The following FBXL17 variants were observed in gnomAD, a reference collection of about 807,000 sequenced individuals.
FBXL17 encodes the protein F-box and leucine rich repeat protein 17, also known as F-box/LRR-repeat protein 17.
Under a neutral mutation model 66.2 loss-of-function variants are expected in FBXL17, and 22 were observed. That is an observed-to-expected ratio of 0.33 (90% confidence interval 0.24 to 0.47). The LOEUF (loss-of-function observed/expected upper bound fraction) is 0.47, where lower values mean the gene tolerates loss of function less well. Among genes scored for constraint, FBXL17 ranks in the 20% least tolerant of loss-of-function variants. The pLI is 1.00. For missense variants in FBXL17, 878 were observed against 948.2 expected (o/e 0.93, Z 0.97); for synonymous variants, 474 against 400.5 (o/e 1.18, Z -2.19).
At chr5:108,101,599 G>A (rs1354067114) in intron 6 of FBXL17, among the ~76,000 whole-genome samples, 2 of 152,156 alleles carry the variant, frequency 1.3e-5, no homozygotes, top group African/African-American at 2.4e-5. Flanking sequence ...AGTTACCTCT[G>A]TGCCTTATTT....
intron 4 of FBXL17, among the ~76,000 whole-genome samples, chr5:108,257,876 G>C (rs892443711): frequency 6.6e-6 from 1 of 152,032 alleles, no homozygotes. Flanking sequence ...ATCCTATGAC[G>C]TTGTGTATGC....
intron 7 of FBXL17, among the ~76,000 whole-genome samples, chr5:108,014,403 A>C (rs927664612): frequency 1.3e-5 from 2 of 152,142 alleles, no homozygotes; most frequent in African/African-American, 4.8e-5. Context: ...CTTTTAAATG[A>C]AGGCTAGAAT....
At chr5:107,991,678 C>A (rs1187304298) in intron 7 of FBXL17, among the ~76,000 whole-genome samples, 1 of 152,202 alleles carries the variant, frequency 6.6e-6, no homozygotes, top group Non-Finnish European at 1.5e-5. Context: ...ATATTCATCC[C>A]TCCTATTCCC....
intron 6 of FBXL17, among the ~76,000 whole-genome samples, chr5:108,165,109 G>C (rs1033883787): frequency 6.6e-6 from 1 of 152,116 alleles, no homozygotes; most frequent in Non-Finnish European, 1.5e-5. Flanking sequence ...GTTATTTATA[G>C]GAGTAAAAAT....
chr5:107,986,863 A>T (rs1753029294), intron 7 of FBXL17, among the ~76,000 whole-genome samples: 1 of 152,048 alleles, frequency 6.6e-6, no homozygotes, highest in Admixed American at 6.6e-5. Flanking sequence ...GGAAACATCT[A>T]ACAAAAAATG....
At chr5:108,121,585 G>C (rs1031006756) in intron 6 of FBXL17, among the ~76,000 whole-genome samples, 1 of 151,260 alleles carries the variant, frequency 6.6e-6, no homozygotes, top group Non-Finnish European at 1.5e-5. Flanking sequence ...TTGAGACAGA[G>C]TCTCGCTCTC....
chr5:108,237,229 ACAAG>A (rs1396807439), intron 4 of FBXL17, among the ~76,000 whole-genome samples: 2 of 152,338 alleles, frequency 1.3e-5, no homozygotes, highest in East Asian at 3.9e-4. Flanking sequence ...CAACAAATAT[ACAAG>A]CACCTACTAC....
intron 6 of FBXL17, among the ~76,000 whole-genome samples, chr5:108,098,511 C>T (rs946290817): frequency 1.3e-5 from 2 of 151,954 alleles, no homozygotes; most frequent in African/African-American, 2.4e-5. Flanking sequence ...TTTGGGAGGC[C>T]GAGGCGGGTG....
chr5:107,983,804 CA>C lies in FBXL17; in HGVS notation c.1822+37120del, dbSNP rs1457856421. Among the ~76,000 whole-genome samples, 11 of 152,060 alleles carry C rather than the reference CA, an allele frequency of 7.2e-5. 1 individual carries two copies. Among genetic ancestry groups the C allele is most frequent in the African/African-American group, 2.2e-4 (9 of 41,448 alleles). ...ATGCATCATACTTCACCTGCATTAA[CA>C]ACACATCATAAATAGAAATGGAAGA... is the stretch of plus-strand genomic sequence containing the variant. On this transcript the variant is annotated intron_variant, in intron 7 of 8. Coordinates refer to ENST00000542267, the MANE Select transcript of FBXL17 (RefSeq NM_001163315.3).
intron 8 of FBXL17, chr5:107,880,478 A>G (rs1748751015): frequency 2.0e-6 from 2 of 994,104 alleles, no homozygotes; most frequent in Non-Finnish European, 2.4e-6. Context: ...TTCCACCAGG[A>G]CCTCTGGAAC....
chr5:107,947,272 T>C (rs965237470), intron 7 of FBXL17, among the ~76,000 whole-genome samples: 1 of 152,230 alleles, frequency 6.6e-6, no homozygotes, highest in Non-Finnish European at 1.5e-5. Flanking sequence ...AGCTTCTGAG[T>C]TGAAATGTCT....
chr5:108,293,413 T>C (rs1042969180), intron 4 of FBXL17, among the ~76,000 whole-genome samples: 1 of 152,204 alleles, frequency 6.6e-6, no homozygotes, highest in African/African-American at 2.4e-5. Context: ...TGGGGACATG[T>C]GTAATTTTAT....
intron 6 of FBXL17, among the ~76,000 whole-genome samples, chr5:108,144,568 C>T (rs777261073): frequency 9.9e-5 from 15 of 152,152 alleles, no homozygotes; most frequent in Non-Finnish European, 1.5e-4. Context: ...AGATATACCA[C>T]GTGTTCCAAC....
At chr5:108,019,561 T>C (rs577514329) in intron 7 of FBXL17, among the ~76,000 whole-genome samples, 3 of 152,154 alleles carry the variant, frequency 2.0e-5, no homozygotes, top group Admixed American at 1.3e-4. Flanking sequence ...GAAGAGCAGG[T>C]AATGACAAGT....
chr5:108,267,517 T>C (rs897450943), intron 4 of FBXL17, among the ~76,000 whole-genome samples: 26 of 152,130 alleles, frequency 1.7e-4, no homozygotes, highest in African/African-American at 3.9e-4. Flanking sequence ...TAGTGTAACA[T>C]TGGTAAAGTT....
chr5:108,274,992 G>A (rs1757427417), intron 4 of FBXL17, among the ~76,000 whole-genome samples: 1 of 152,170 alleles, frequency 6.6e-6, no homozygotes, highest in Admixed American at 6.5e-5. Context: ...CAAAAAGGAA[G>A]TGACCAAGAC....
At chr5:108,015,183 G>C (rs1301122199) in intron 7 of FBXL17, among the ~76,000 whole-genome samples, 2 of 152,068 alleles carry the variant, frequency 1.3e-5, no homozygotes, top group Non-Finnish European at 2.9e-5. Flanking sequence ...AGAAAATTTA[G>C]AAATGGAGAG....
At chr5:107,981,584 T>TC (rs369244201) in intron 7 of FBXL17, among the ~76,000 whole-genome samples, 5 of 152,348 alleles carry the variant, frequency 3.3e-5, no homozygotes, top group African/African-American at 1.2e-4. Flanking sequence ...GCTTTGAGTG[T>TC]CCCACTGGTC....
chr5:108,034,279 C>T lies in FBXL17; in HGVS notation c.1746-13278G>A, dbSNP rs1008362927. Among the ~76,000 whole-genome samples the T allele has an allele frequency of 9.9e-5, 15 of 152,098 alleles. 1 individual carries two copies. Among genetic ancestry groups the T allele is most frequent in the African/African-American group, 2.4e-5 (1 of 41,422 alleles). On this transcript the variant is annotated intron_variant, in intron 6 of 8. Coordinates refer to ENST00000542267, the MANE Select transcript of FBXL17 (RefSeq NM_001163315.3). ...TTGGGAACCAATTTTAAAATCAGCC[C>T]CAAACTGTCATCCTTGTTAGCATCA...
Sources: allele counts gnomAD v4.1 joint callset (sites outside exome capture counted in the v4.1 genomes callset), GRCh38; gene constraint gnomAD v4.1.1; transcripts MANE v1.5; gene names NCBI Gene and HGNC (gene_info 2026-07-23, HGNC 2026-07-21).